The following SLC24A3 variants were observed in gnomAD, a reference collection of about 807,000 sequenced individuals.
The protein encoded by SLC24A3 is sodium/potassium/calcium exchanger 3.
Under a neutral mutation model 75.8 loss-of-function variants are expected in SLC24A3, and 28 were observed. The observed-to-expected ratio is 0.37, with a 90% CI of 0.27 to 0.51. SLC24A3 has a LOEUF of 0.51. SLC24A3 is among the 20% of genes least tolerant of loss of function. The pLI, the probability that SLC24A3 is intolerant of heterozygous loss-of-function variation, is 0.94. For missense variants in SLC24A3, 663 were observed against 847.8 expected, an observed-to-expected ratio of 0.78 and a Z score of 2.71; for synonymous variants, 372 against 334.1, an observed-to-expected ratio of 1.11 and a Z score of -1.24.
chr20:19,599,862 T>C (rs1358772223), intron 6 of SLC24A3, among the ~76,000 whole-genome samples: 1 of 152,136 alleles, frequency 6.6e-6, no homozygotes, highest in Non-Finnish European at 1.5e-5. Flanking sequence ...TTGGGAAGAA[T>C]TGACTCTGTT....
rs116367317 is a variant in SLC24A3, at chr20:19,248,515, G to T, written c.143-32444G>T. On this transcript the variant is annotated intron_variant, in intron 1 of 16. Coordinates refer to ENST00000328041, the MANE Select transcript of SLC24A3 (RefSeq NM_020689.4). ...TTAACAGAACATTTGAAATATTGAC[G>T]TGGAGAAAAGGGAACCCTAGTACCC... Among the ~76,000 whole-genome samples the T allele has an allele frequency of 1.4e-4, 21 of 152,172 alleles. 1 individual carries two copies. The highest frequency in any genetic ancestry group is 9.2e-4 in the Admixed American group (14 of 15,280).
At chr20:19,409,665 A>T (rs1986710100) in intron 2 of SLC24A3, among the ~76,000 whole-genome samples, 2 of 152,176 alleles carry the variant, frequency 1.3e-5, no homozygotes, top group African/African-American at 4.8e-5. Context: ...ATAGACTTGA[A>T]GTATAAAATA....
chr20:19,552,123 T>C (rs1295881117), intron 3 of SLC24A3, among the ~76,000 whole-genome samples: 1 of 152,230 alleles, frequency 6.6e-6, no homozygotes, highest in Non-Finnish European at 1.5e-5. Context: ...TCATTGTTAG[T>C]ACGTTCCTAG....
rs1011926032 is a variant in SLC24A3, at chr20:19,526,016, A to G, written c.348+10452A>G. Among the ~76,000 whole-genome samples, 4 of 152,126 alleles carry G rather than the reference A, an allele frequency of 2.6e-5. No individual in the cohort carries two copies. In the East Asian group the frequency reaches 7.7e-4, roughly 29 times the overall value. Reference sequence around the variant, plus strand: ...AGTGGGAGAGGATGCCCTGCCTCTCATCCAGCTACCCAGCTTTGACACTCC... The same window carrying G: ...AGTGGGAGAGGATGCCCTGCCTCTCGTCCAGCTACCCAGCTTTGACACTCC... On this transcript the variant is annotated intron_variant, in intron 3 of 16. Transcript: ENST00000328041.
chr20:19,678,815 C>T (rs956480696), intron 9 of SLC24A3, among the ~76,000 whole-genome samples: 5 of 151,206 alleles, frequency 3.3e-5, no homozygotes, highest in Non-Finnish European at 7.4e-5. Context: ...AGGGTCTCCT[C>T]CCTTCTCAGA....
At chr20:19,631,791 A>AGTGTGTGTGT (rs148278633) in intron 6 of SLC24A3, among the ~76,000 whole-genome samples, 5,275 of 147,866 alleles carry the variant, frequency 0.036, 155 homozygotes, top group East Asian at 0.14. Context: ...TATGAGTGAG[A>AGTGTGTGTGT]GTGTGTGTGT....
chr20:19,547,019 T>C (rs961061651), intron 3 of SLC24A3, among the ~76,000 whole-genome samples: 1 of 152,246 alleles, frequency 6.6e-6, no homozygotes, highest in East Asian at 1.9e-4. Flanking sequence ...TGAAGGTGTT[T>C]ATGACCACCC....
intron 7 of SLC24A3, among the ~76,000 whole-genome samples, chr20:19,663,414 T>A (rs1398583394): frequency 4.2e-4 from 23 of 54,122 alleles, no homozygotes; most frequent in African/African-American, 8.6e-4. Flanking sequence ...CTCCACCTCC[T>A]CCTCCTCCTC....
intron 3 of SLC24A3, among the ~76,000 whole-genome samples, chr20:19,549,369 A>G (rs1287543868): frequency 6.6e-6 from 1 of 152,258 alleles, no homozygotes; most frequent in Non-Finnish European, 1.5e-5. Context: ...CCAAGATTAA[A>G]AGTTGATATT....
At chr20:19,613,677 A>G (rs567258409) in intron 6 of SLC24A3, among the ~76,000 whole-genome samples, 1 of 152,340 alleles carries the variant, frequency 6.6e-6, no homozygotes, top group East Asian at 1.9e-4. Flanking sequence ...ACGCATGGCC[A>G]ATGTCTCCAT....
rs565838452 is a variant in SLC24A3, at chr20:19,444,861, A to G, written c.272-70627A>G. Among the ~76,000 whole-genome samples the G allele has an allele frequency of 1.2e-4, 18 of 148,492 alleles. 1 individual carries two copies. In the South Asian group the frequency reaches 3.4e-3, roughly 28 times the overall value. ...TTTTTCTTCTGCTTACTTTGGATCT[A>G]ATCGGCTTTTTGTTGTTGTTGTTGT... On this transcript the variant is annotated intron_variant, in intron 2 of 16. Coordinates refer to ENST00000328041, the MANE Select transcript of SLC24A3 (RefSeq NM_020689.4).
chr20:19,228,620 G>T (rs1478968395), intron 1 of SLC24A3, among the ~76,000 whole-genome samples: 1 of 152,074 alleles, frequency 6.6e-6, no homozygotes, highest in Admixed American at 6.6e-5. Flanking sequence ...ACTCCAGCCT[G>T]GGTGACAGAG....
At chr20:19,513,775 T>C (rs1160132245) in intron 2 of SLC24A3, among the ~76,000 whole-genome samples, 2 of 151,634 alleles carry the variant, frequency 1.3e-5, no homozygotes, top group Non-Finnish European at 2.9e-5. Context: ...ATTATTGACG[T>C]ATAAAAATTG....
At chr20:19,245,853 T>G (rs1027391325) in intron 1 of SLC24A3, among the ~76,000 whole-genome samples, 1 of 152,060 alleles carries the variant, frequency 6.6e-6, no homozygotes, top group Admixed American at 6.6e-5. Flanking sequence ...ACTGAAGATA[T>G]AAGAAGAAAC....
chr20:19,458,443 G>C (rs980880838), intron 2 of SLC24A3, among the ~76,000 whole-genome samples: 1 of 152,172 alleles, frequency 6.6e-6, no homozygotes, highest in Non-Finnish European at 1.5e-5. Flanking sequence ...CACATTGTCT[G>C]TGCAACTGTC....
intron 2 of SLC24A3, among the ~76,000 whole-genome samples, chr20:19,505,177 A>G (rs112616441): frequency 0.056 from 8,565 of 152,086 alleles, 355 homozygotes; most frequent in South Asian, 0.077. Context: ...GCCAATACAG[A>G]CATGAGAAAA....
chr20:19,508,125 C>T (rs550502808), intron 2 of SLC24A3, among the ~76,000 whole-genome samples: 140 of 152,222 alleles, frequency 9.2e-4, no homozygotes, highest in African/African-American at 3.2e-3. Context: ...GAGGAGGTAC[C>T]GCACCCGGAA....
chr20:19,664,054 A>C (rs2032369655), intron 7 of SLC24A3, among the ~76,000 whole-genome samples: 1 of 152,196 alleles, frequency 6.6e-6, no homozygotes, highest in African/African-American at 2.4e-5. Context: ...GATAGAAGAA[A>C]ATTAAATTGG....
At chr20:19,280,234 C>G (rs1983618462) in intron 1 of SLC24A3, among the ~76,000 whole-genome samples, 1 of 152,144 alleles carries the variant, frequency 6.6e-6, no homozygotes, top group African/African-American at 2.4e-5. Context: ...AGCCCTGAGC[C>G]CTGTTACCTG....
Sources: gnomAD v4.1 joint callset for allele counts (sites outside exome capture counted in the v4.1 genomes callset) on GRCh38, gnomAD v4.1.1 for gene constraint, MANE v1.5 for transcripts, NCBI Gene and HGNC (gene_info 2026-07-23, HGNC 2026-07-21) for gene names.